CARNMT1: variants seen among roughly 807,000 people sequenced by gnomAD.
CARNMT1 encodes carnosine N-methyltransferase 1, also known as protein-L-histidine N-pros-methyltransferase CARNMT1.
A neutral mutation model predicts 49.6 loss-of-function variants in CARNMT1; 28 were observed. The observed-to-expected ratio is 0.56, with a 90% confidence interval of 0.42 to 0.77. CARNMT1 has a LOEUF of 0.77. Ranked by LOEUF, CARNMT1 falls within the 30% of genes least tolerant of loss-of-function variation. The probability of loss-of-function intolerance (pLI) is 0.00; values close to 1 mark genes in which losing one functional copy is unlikely to be tolerated. For missense variants in CARNMT1, 421 were observed against 512.6 expected (o/e 0.82, Z 1.73); for synonymous variants, 178 against 175.0 (o/e 1.02, Z -0.13).
chr9:74,984,934 A>G lies in CARNMT1; in HGVS notation c.1101T>C (p.Val367=). Residue 367 remains valine (V), a synonymous_variant, in exon 7 of 8, where the codon GTT becomes GTC. Transcript: ENST00000376834. The stretch of plus-strand genomic sequence containing the variant: ...CTACCTTGAATCCATACTGCAGAAC[A>G]ACGTTTTTTATATCCTCATAGCTCA... ...IELSYEDIKN[V]VLQYGFKVEV... is the part of the protein sequence containing the mutation. The G allele has an allele frequency of 6.2e-7, 1 of 1,613,682 alleles. No homozygotes were observed. The highest frequency in any genetic ancestry group is 1.7e-5 in the Admixed American group (1 of 60,010).
At chr9:75,004,163 C>T (rs1217984164) in intron 3 of CARNMT1, among the ~76,000 whole-genome samples, 2 of 152,266 alleles carry the variant, frequency 1.3e-5, no homozygotes, top group Non-Finnish European at 2.9e-5. Flanking sequence ...GCGTGAGCCA[C>T]GGCGCCTGGC....
intron 6 of CARNMT1, among the ~76,000 whole-genome samples, chr9:74,993,521 G>A (rs1259008962): frequency 2.6e-5 from 4 of 152,096 alleles, no homozygotes; most frequent in Admixed American, 6.6e-5. Context: ...GAAAAGGGCC[G>A]AAGACAACTT....
intron 1 of CARNMT1, among the ~76,000 whole-genome samples, chr9:75,017,892 T>A (rs1468811233): frequency 6.6e-6 from 1 of 152,132 alleles, no homozygotes; most frequent in Non-Finnish European, 1.5e-5. Context: ...TTAAATATCA[T>A]AGAAGATCTT....
intron 1 of CARNMT1, among the ~76,000 whole-genome samples, chr9:75,021,001 G>A (rs1366925170): frequency 6.6e-6 from 1 of 152,058 alleles, no homozygotes; most frequent in Non-Finnish European, 1.5e-5. Flanking sequence ...TGATGATCAT[G>A]GAAGCTGCCA....
chr9:75,014,724 G>GT (rs1833794369), intron 3 of CARNMT1, among the ~76,000 whole-genome samples: 1 of 152,166 alleles, frequency 6.6e-6, no homozygotes, highest in African/African-American at 2.4e-5. Flanking sequence ...GTAGGTGTCT[G>GT]TAATCCCAGC....
chr9:75,023,198 C>T (rs1822429979), intron 1 of CARNMT1, among the ~76,000 whole-genome samples: 1 of 151,694 alleles, frequency 6.6e-6, no homozygotes, highest in African/African-American at 2.4e-5. Context: ...TTCTCCTAGT[C>T]CCACAATCAA....
intron 6 of CARNMT1, among the ~76,000 whole-genome samples, chr9:74,986,286 C>T: frequency 6.6e-6 from 1 of 152,182 alleles, no homozygotes; most frequent in Middle Eastern, 3.2e-3. Flanking sequence ...TTCTGTGGAT[C>T]ACAGGGTAAA....
In CARNMT1 at chr9:74,996,558, T is replaced by C; in HGVS notation, c.913A>G (p.Thr305Ala). 6.5e-7 allele frequency: 1 copy of C among 1,546,984 alleles called. No individual in the cohort carries two copies. The highest frequency in any genetic ancestry group is 8.8e-7 in the Non-Finnish European group (1 of 1,141,640). The change falls in exon 6 of 8, where the codon ACC becomes GCC. Residue 305 changes from threonine to alanine, a missense_variant and splice_region_variant. Around this residue, in one of 2 missense-constraint regions of CARNMT1, gnomAD observed 235 missense variants for 344.8 expected, o/e 0.68. Transcript: ENST00000376834. ...DFQEIYSECN[T>A]WDCIATCFFI... is the part of the protein sequence containing the mutation. ...AAACAGGTAGCAATACAGTCCCAGGTATCTAATGAAGAAAAATCAAATTAC... is the reference window on the plus strand; with the variant it reads ...AAACAGGTAGCAATACAGTCCCAGGCATCTAATGAAGAAAAATCAAATTAC...
At chr9:75,027,038 T>C (rs530469468) in intron 1 of CARNMT1, 8 of 1,294,216 alleles carry the variant, frequency 6.2e-6, no homozygotes, top group South Asian at 3.7e-5. Context: ...AACCCACCTA[T>C]GGGAACAGGT....
In CARNMT1 at chr9:74,997,896, C is replaced by G. The variant is rs188992529; in HGVS notation, c.910+702G>C. 2.1e-3 allele frequency among the ~76,000 whole-genome samples: 319 copies of G among 152,148 alleles called. 2 individuals carry two copies. The highest frequency in any genetic ancestry group is 3.1e-3 in the Non-Finnish European group (209 of 67,992). ...TCTCTTTTGACACCTAGAAAAATAC[C>G]TAGTACTTAGTAGGTGCTCAACAAA... On this transcript the variant is annotated intron_variant, in intron 5 of 7. Transcript: ENST00000376834.
At position 74,984,963 on chromosome 9, in the gene CARNMT1, C is replaced by G; in HGVS notation, c.1072G>C (p.Glu358Gln). The G allele has an allele frequency of 6.2e-7, 1 of 1,613,876 alleles. No homozygotes were observed. The highest frequency in any genetic ancestry group is 8.5e-7 in the Non-Finnish European group (1 of 1,179,900). ...FENLANELSI[E>Q]LSYEDIKNVV... ...TTTTTTATATCCTCATAGCTCAATT[C>G]TATGGAAAGTTCATTTGCCAGATTT... The change falls in exon 7 of 8, where the codon GAA (glutamate) becomes CAA (glutamine). Residue 358 changes from glutamate (E) to glutamine (Q), a missense_variant. Coordinates refer to ENST00000376834, the MANE Select transcript of CARNMT1 (RefSeq NM_152420.3).
chr9:75,015,797 A>C (rs1171979270), intron 3 of CARNMT1: 1 of 150,188 alleles, frequency 6.7e-6, no homozygotes, highest in Non-Finnish European at 1.5e-5. Flanking sequence ...AAAATAAATA[A>C]ATAAATAAAT....
At chr9:75,027,939 C>G in intron 1 of CARNMT1, 73 bp downstream of exon 1, 1 of 1,446,692 alleles carries the variant, frequency 6.9e-7, no homozygotes, top group Non-Finnish European at 9.1e-7. Context: ...GCGAGCGCCC[C>G]CGTTCCGGCG....
intron 3 of CARNMT1, among the ~76,000 whole-genome samples, chr9:75,004,940 T>C (rs533591400): frequency 6.6e-6 from 1 of 152,320 alleles, no homozygotes; most frequent in South Asian, 2.1e-4. Flanking sequence ...AAAAATGTGA[T>C]TTTACATGTT....
At chr9:75,028,324 C>G (rs951059169), upstream of CARNMT1, 60 of 1,313,920 alleles carry the variant, frequency 4.6e-5, no homozygotes, top group Non-Finnish European at 5.4e-5. Context: ...TTCCTCTAGA[C>G]GGCGCCCGCC....
chr9:75,000,080 C>G (rs898304348), intron 3 of CARNMT1, among the ~76,000 whole-genome samples: 1 of 151,910 alleles, frequency 6.6e-6, no homozygotes, highest in African/African-American at 2.4e-5. Flanking sequence ...GGGTTTTACC[C>G]CTCAAAAATT....
intron 1 of CARNMT1, among the ~76,000 whole-genome samples, chr9:75,021,410 C>G (rs1441296434): frequency 6.9e-6 from 1 of 145,032 alleles, no homozygotes; most frequent in Admixed American, 7.0e-5. Context: ...ATACTATATA[C>G]ATACTATATA....
intron 3 of CARNMT1, among the ~76,000 whole-genome samples, chr9:75,015,234 G>A (rs1261821911): frequency 6.6e-6 from 1 of 152,084 alleles, no homozygotes; most frequent in African/African-American, 2.4e-5. Context: ...AATAGTTTTA[G>A]CAATACCTAT....
intron 6 of CARNMT1, among the ~76,000 whole-genome samples, chr9:74,988,720 G>C (rs1832924124): frequency 6.6e-6 from 1 of 152,188 alleles, no homozygotes. Flanking sequence ...CACTTACAGT[G>C]TCTAGCATAT....
Sources: gnomAD v4.1 joint callset for allele counts (sites outside exome capture counted in the v4.1 genomes callset) on GRCh38, gnomAD v4.1.1 for gene constraint, gnomAD v4.1.1 regional missense constraint, MANE v1.5 for transcripts, NCBI Gene and HGNC (gene_info 2026-07-23, HGNC 2026-07-21) for gene names.